The following RNF150 variants were observed in gnomAD, a reference collection of about 807,000 sequenced individuals.
RNF150 encodes ring finger protein 150.
In RNF150, 24 loss-of-function variants were observed where a neutral mutation model predicts 39.3. That is an observed-to-expected ratio of 0.61 (90% CI 0.44 to 0.86). The LOEUF is 0.86. Among genes scored for constraint, RNF150 ranks in the 40% least tolerant of loss-of-function variants. RNF150 has a pLI of 0.00. For synonymous variants in RNF150, 255 were observed against 227.3 expected (o/e 1.12, Z -1.10); for missense variants, 502 against 587.8 (o/e 0.85, Z 1.51).
At position 140,964,322 on chromosome 4, in the gene RNF150, C is replaced by T. The variant is rs191540847; in HGVS notation, c.735+3301G>A. Among the ~76,000 whole-genome samples, 4 of 152,030 alleles carry T rather than the reference C, an allele frequency of 2.6e-5. No individual in the cohort carries two copies. In the East Asian group the frequency reaches 5.8e-4, roughly 22 times the overall value. On this transcript the variant is annotated intron_variant, in intron 2 of 6. Coordinates refer to ENST00000515673, the MANE Select transcript of RNF150 (RefSeq NM_020724.2). Reference sequence around the variant, plus strand: ...TGTGCTTACTTCCAACTCTGTAAAACGGGGACAATAAAATTGTTTATTATG... The same window carrying T: ...TGTGCTTACTTCCAACTCTGTAAAATGGGGACAATAAAATTGTTTATTATG...
At chr4:141,035,900 A>G (rs1736123219) in intron 1 of RNF150, among the ~76,000 whole-genome samples, 1 of 152,140 alleles carries the variant, frequency 6.6e-6, no homozygotes, top group South Asian at 2.1e-4. Flanking sequence ...GAAAAACGAA[A>G]TAACACGACA....
intron 1 of RNF150, among the ~76,000 whole-genome samples, chr4:141,034,320 A>G (rs1458483083): frequency 1.3e-5 from 2 of 152,106 alleles, no homozygotes; most frequent in East Asian, 3.9e-4. Flanking sequence ...CAGCCTTCCT[A>G]CCATTGAAGA....
At chr4:140,976,785 C>A (rs565090205) in intron 1 of RNF150, among the ~76,000 whole-genome samples, 1 of 152,106 alleles carries the variant, frequency 6.6e-6, no homozygotes, top group South Asian at 2.1e-4. Context: ...TGGAACCTGC[C>A]CTACAAAATT....
intron 1 of RNF150, among the ~76,000 whole-genome samples, chr4:141,074,150 A>G (rs62324862): frequency 0.036 from 5,419 of 152,190 alleles, 115 homozygotes; most frequent in Middle Eastern, 0.14. Context: ...TATATAATGA[A>G]TAAAATCTTT....
At chr4:141,204,335 A>G (rs6822261) in intron 1 of RNF150, among the ~76,000 whole-genome samples, 82,830 of 151,940 alleles carry the variant, frequency 0.55, 23,300 homozygotes, top group East Asian at 0.8. Flanking sequence ...GAGAGAGAAG[A>G]AGGAGTTCTT....
chr4:141,091,562 A>T (rs922435506), intron 1 of RNF150, among the ~76,000 whole-genome samples: 5 of 152,202 alleles, frequency 3.3e-5, no homozygotes, highest in African/African-American at 4.8e-5. Flanking sequence ...GTTTCAAAAA[A>T]CAGTAAGGTA....
At chr4:141,092,557 G>C (rs1353548256) in intron 1 of RNF150, among the ~76,000 whole-genome samples, 1 of 151,952 alleles carries the variant, frequency 6.6e-6, no homozygotes, top group Non-Finnish European at 1.5e-5. Context: ...TATATTCAGA[G>C]AGACAAATTA....
chr4:141,018,610 G>A, intron 1 of RNF150, among the ~76,000 whole-genome samples: 1 of 152,084 alleles, frequency 6.6e-6, no homozygotes, highest in East Asian at 1.9e-4. Flanking sequence ...TGCCATGCAG[G>A]CCCTTTCCTG....
intron 1 of RNF150, among the ~76,000 whole-genome samples, chr4:141,196,397 TGATG>T (rs1728202029): frequency 6.6e-6 from 1 of 152,166 alleles, no homozygotes; most frequent in East Asian, 1.9e-4. Flanking sequence ...TTGAGAGGGA[TGATG>T]CAAATACCAA....
intron 1 of RNF150, among the ~76,000 whole-genome samples, chr4:141,094,498 G>A (rs1388806335): frequency 3.3e-5 from 5 of 152,250 alleles, no homozygotes; most frequent in African/African-American, 1.2e-4. Context: ...TTAAGGTTTT[G>A]CAGGCCAATC....
At chr4:141,159,039 T>C (rs1176367197) in intron 1 of RNF150, among the ~76,000 whole-genome samples, 1 of 152,206 alleles carries the variant, frequency 6.6e-6, no homozygotes, top group Non-Finnish European at 1.5e-5. Context: ...ATCTGGAAAA[T>C]GCTGTAAACT....
chr4:140,993,675 C>T (rs977340667), intron 1 of RNF150, among the ~76,000 whole-genome samples: 3 of 152,170 alleles, frequency 2.0e-5, no homozygotes, highest in African/African-American at 4.8e-5. Flanking sequence ...AAGGTCTTCA[C>T]GCAGCTTGAA....
In RNF150 at chr4:141,132,370, T is replaced by A; in HGVS notation, c.439A>T (p.Asn147Tyr). 6.3e-7 allele frequency: 1 copy of A among 1,598,030 alleles called. No homozygotes were observed. Among genetic ancestry groups the A allele is most frequent in the Non-Finnish European group, 8.5e-7 (1 of 1,172,754 alleles). The change falls in exon 1 of 7, where the codon AAC (asparagine) becomes TAC (tyrosine). Residue 147 changes from asparagine to tyrosine, a missense_variant. By Grantham distance (143) the Asn-to-Tyr change is moderately radical (BLOSUM62 -2). Coordinates refer to ENST00000515673, the MANE Select transcript of RNF150 (RefSeq NM_020724.2). The surrounding 1 kb of genome is among the most constrained non-coding windows in gnomAD (Gnocchi z 4.9). ...GTCTCGTTGGTGTTGGAGCCCACGT[T>A]GAAGATGACCACGGCTGAGGCGTTC... ...LQNASAVVIF[N>Y]VGSNTNETIT...
At chr4:140,968,002 C>G in intron 1 of RNF150, 129 bp from the exon 2 acceptor site, 1 of 744,350 alleles carries the variant, frequency 1.3e-6, no homozygotes, top group Non-Finnish European at 2.2e-6. Flanking sequence ...CTGTGCTGGG[C>G]TAAGAAGACC....
chr4:141,120,032 A>G (rs914768640), intron 1 of RNF150, among the ~76,000 whole-genome samples: 7 of 152,186 alleles, frequency 4.6e-5, no homozygotes, highest in African/African-American at 7.2e-5. Flanking sequence ...GATGGTACCT[A>G]TTGTATCATT....
chr4:141,043,617 C>A (rs1736453267), intron 1 of RNF150, among the ~76,000 whole-genome samples: 4 of 142,118 alleles, frequency 2.8e-5, no homozygotes, highest in South Asian at 2.1e-4. Context: ...GATTTCTATT[C>A]TCTTGTTTTG....
intron 4 of RNF150, among the ~76,000 whole-genome samples, chr4:140,930,491 C>T (rs1731585474): frequency 6.6e-6 from 1 of 152,160 alleles, no homozygotes; most frequent in Admixed American, 6.5e-5. Flanking sequence ...TAGAACAGTT[C>T]CCGACACACA....
chr4:140,893,868 T>C (rs1729847091), intron 6 of RNF150, among the ~76,000 whole-genome samples: 1 of 152,254 alleles, frequency 6.6e-6, no homozygotes, highest in African/African-American at 2.4e-5. Context: ...AGCAATTTTC[T>C]AGTATTAGGA....
At position 141,132,211 on chromosome 4, in the gene RNF150, A is replaced by G. The variant is rs1726910329; in HGVS notation, c.484+114T>C. ...CTTAATCGGTCCAGGGAACCCAGAC[A>G]CGTCTTCCGCGCCGCACGGACTTCC... On this transcript the variant is annotated intron_variant, in intron 1 of 6. Coordinates refer to ENST00000515673, the MANE Select transcript of RNF150 (RefSeq NM_020724.2). This position sits in a 1 kb window ranked among gnomAD's most constrained non-coding sequence, Gnocchi z 4.9. The G allele has an allele frequency of 2.7e-6, 3 of 1,105,566 alleles. No homozygotes were observed. In the South Asian group the frequency reaches 4.7e-5, roughly 17 times the overall value. 68.5% of individuals were successfully genotyped at this position (1,105,566 alleles called of 1,614,324 possible). A position where few individuals can be genotyped will look rare whatever the true frequency, so the allele number is the denominator to read the frequency against.
Sources: allele counts gnomAD v4.1 joint callset (sites outside exome capture counted in the v4.1 genomes callset), GRCh38; gene constraint gnomAD v4.1.1; non-coding constraint Gnocchi (gnomAD v3.1); transcripts MANE v1.5; gene names NCBI Gene and HGNC (gene_info 2026-07-23, HGNC 2026-07-21).